Variants in TENM1 observed in about 807,000 individuals in gnomAD.
The protein encoded by TENM1 is teneurin-1.
Under a neutral mutation model 174.8 loss-of-function variants are expected in TENM1, and 35 were observed. That is an observed-to-expected ratio of 0.20 (90% CI 0.15 to 0.27). The LOEUF is 0.27. TENM1 is among the 10% of genes least tolerant of loss of function. TENM1 has a pLI of 1.00. For synonymous variants in TENM1, 781 were observed against 798.7 expected, an observed-to-expected ratio of 0.98 and a Z score of 0.37; for missense variants, 1,633 against 2,130.1, an observed-to-expected ratio of 0.77 and a Z score of 4.59.
At chrX:124,642,957 G>A (rs957511089) in intron 10 of TENM1, among the ~76,000 whole-genome samples, 2 of 112,148 alleles carry the variant, frequency 1.8e-5, no homozygotes, top group Non-Finnish European at 3.8e-5. Flanking sequence ...TAGTTTTAGG[G>A]TGTGGCTTGG....
At chrX:125,016,747 T>C in the TENM1 span, among the ~76,000 whole-genome samples, 1,385 of 111,510 alleles carry the variant, frequency 0.012, 29 homozygotes, top group African/African-American at 0.043. Flanking sequence ...AAAGAGCCTG[T>C]ATAGCCAAGA....
At chrX:124,941,571 C>T (rs1172726553) in intron 1 of TENM1, among the ~76,000 whole-genome samples, 5 of 112,117 alleles carry the variant, frequency 4.5e-5, no homozygotes, top group Non-Finnish European at 7.5e-5. Flanking sequence ...TTTCTAGCCC[C>T]AGTACTCCAA....
rs767929043 is a variant in TENM1, at chrX:124,899,727, T to C, written c.218-3486A>G. On this transcript the variant is annotated intron_variant, in intron 1 of 31. Transcript: ENST00000422452. ...GCTTTCCGCAATGGTTGAAATTCAA[T>C]TTTTTAAGTGGGCAAAAAGTTTAAA... 3.6e-5 allele frequency among the ~76,000 whole-genome samples: 4 copies of C among 112,214 alleles called. No individual in the cohort carries two copies. In the South Asian group the frequency reaches 1.5e-3, roughly 41 times the overall value.
chrX:124,788,005 A>G (rs1012997637), intron 3 of TENM1, among the ~76,000 whole-genome samples: 1 of 111,734 alleles, frequency 8.9e-6, no homozygotes, highest in Admixed American at 9.5e-5. Context: ...GGATGGCAGC[A>G]GGCAAAAAGG....
chrX:124,894,966 TA>T (rs200034673), intron 2 of TENM1, among the ~76,000 whole-genome samples: 2 of 111,071 alleles, frequency 1.8e-5, no homozygotes, highest in Non-Finnish European at 3.8e-5. Context: ...GAAAATAATC[TA>T]AAAAAAATCA....
chrX:124,864,353 C>A (rs964334008), intron 3 of TENM1, among the ~76,000 whole-genome samples: 1 of 111,413 alleles, frequency 9.0e-6, no homozygotes, highest in Non-Finnish European at 1.9e-5. Context: ...TTCAAGATAA[C>A]AAAAAGAAGG....
At chrX:124,595,056 A>G (rs1235865296) in intron 11 of TENM1, among the ~76,000 whole-genome samples, 2 of 112,400 alleles carry the variant, frequency 1.8e-5, no homozygotes, top group Non-Finnish European at 3.8e-5. Context: ...AAGAGCACCA[A>G]GAGCAGTCCA....
chrX:124,540,838 C>T (rs5958512), intron 15 of TENM1, among the ~76,000 whole-genome samples: 30,607 of 110,738 alleles, frequency 0.28, 4,868 homozygotes, highest in African/African-American at 0.61. Context: ...TAATGATGCA[C>T]ACCAAAGTGA....
intron 3 of TENM1, among the ~76,000 whole-genome samples, chrX:124,820,409 A>C (rs2056013946): frequency 9.0e-6 from 1 of 111,716 alleles, no homozygotes; most frequent in Admixed American, 9.5e-5. Context: ...GACAGACATG[A>C]AAATAGCATC....
At chrX:124,449,702 C>G (rs1198590430) in intron 23 of TENM1, among the ~76,000 whole-genome samples, 1 of 111,755 alleles carries the variant, frequency 8.9e-6, no homozygotes. Flanking sequence ...TTAGACTATT[C>G]TAGGACTTGA....
At chrX:124,724,312 A>G (rs1210319392) in intron 4 of TENM1, among the ~76,000 whole-genome samples, 3 of 112,569 alleles carry the variant, frequency 2.7e-5, no homozygotes, top group Non-Finnish European at 5.6e-5. Context: ...AAGAAAAGGC[A>G]TAGCACTTTA....
the TENM1 span, among the ~76,000 whole-genome samples, chrX:125,139,823 AACACACACACACACAC>A: frequency 5.1e-5 from 4 of 78,532 alleles, no homozygotes; most frequent in Non-Finnish European, 7.3e-5. Context: ...AGCTGCCCTC[AACACACACACACACAC>A]ACACACACAC....
At chrX:124,969,346 A>G in the TENM1 span, among the ~76,000 whole-genome samples, 77 of 112,046 alleles carry the variant, frequency 6.9e-4, 2 homozygotes, top group East Asian at 0.02. Context: ...TAAACTCTCT[A>G]CTTGCTAACA....
intron 11 of TENM1, among the ~76,000 whole-genome samples, chrX:124,577,538 T>G (rs898048697): frequency 8.9e-6 from 1 of 112,074 alleles, no homozygotes; most frequent in African/African-American, 3.2e-5. Flanking sequence ...TTTTACTCTA[T>G]GGCAATCATC....
intron 18 of TENM1, among the ~76,000 whole-genome samples, chrX:124,519,910 C>A (rs2047802330): frequency 9.0e-6 from 1 of 111,677 alleles, no homozygotes; most frequent in African/African-American, 3.3e-5. Context: ...ATCTCTGCCT[C>A]ATTTTAAAAA....
At chrX:124,787,564 A>G (rs759311525) in intron 3 of TENM1, among the ~76,000 whole-genome samples, 1 of 111,835 alleles carries the variant, frequency 8.9e-6, no homozygotes, top group Non-Finnish European at 1.9e-5. Context: ...CAAATTCTCA[A>G]CAGGTTATCT....
the TENM1 span, among the ~76,000 whole-genome samples, chrX:125,196,245 T>C: frequency 9.0e-6 from 1 of 111,218 alleles, no homozygotes; most frequent in Non-Finnish European, 1.9e-5. Context: ...CTGAAATGCT[T>C]TCTTACATTG....
At chrX:125,011,888 G>A in the TENM1 span, among the ~76,000 whole-genome samples, 4 of 111,524 alleles carry the variant, frequency 3.6e-5, no homozygotes, top group Admixed American at 9.5e-5. Flanking sequence ...ACATGCACAC[G>A]TATGTTTATT....
intron 20 of TENM1, among the ~76,000 whole-genome samples, chrX:124,491,847 A>T (rs1245563305): frequency 1.8e-5 from 2 of 111,671 alleles, no homozygotes; most frequent in East Asian, 5.7e-4. Context: ...GACATCTGGA[A>T]TTACTCGATG....
Sources: gnomAD v4.1 joint callset for allele counts (sites outside exome capture counted in the v4.1 genomes callset) on GRCh38, gnomAD v4.1.1 for gene constraint, MANE v1.5 for transcripts, NCBI Gene and HGNC (gene_info 2026-07-23, HGNC 2026-07-21) for gene names.